The following ZFYVE28 variants were observed in gnomAD, a reference collection of about 807,000 sequenced individuals.
ZFYVE28 encodes the protein zinc finger FYVE-type containing 28.
Under a neutral mutation model 82.1 loss-of-function variants are expected in ZFYVE28, and 40 were observed. The observed-to-expected ratio is 0.49, with a 90% CI of 0.38 to 0.63. The LOEUF (loss-of-function observed/expected upper bound fraction) is 0.63. Among genes scored for constraint, ZFYVE28 ranks in the 30% least tolerant of loss-of-function variants. The pLI is 0.00. For synonymous variants in ZFYVE28, 612 were observed against 546.1 expected (o/e 1.12, Z -1.68); for missense variants, 1,321 against 1,242.1 (o/e 1.06, Z -0.96).
At chr4:2,359,140 A>G (rs1292255949) in intron 1 of ZFYVE28, among the ~76,000 whole-genome samples, 1 of 150,634 alleles carries the variant, frequency 6.6e-6, no homozygotes, top group Non-Finnish European at 1.5e-5. Context: ...AGGCCCGGCT[A>G]ATTTTTTTTT....
intron 7 of ZFYVE28, among the ~76,000 whole-genome samples, chr4:2,308,687 GA>G (rs747370712): frequency 3.5e-3 from 430 of 124,046 alleles, no homozygotes; most frequent in African/African-American, 0.013. Flanking sequence ...GAGAAAGAAA[GA>G]AAAGAAAAGA....
intron 1 of ZFYVE28, among the ~76,000 whole-genome samples, chr4:2,405,220 A>G (rs1731736474): frequency 6.6e-6 from 1 of 152,240 alleles, no homozygotes; most frequent in Middle Eastern, 3.4e-3. Context: ...GAGAGAAGCC[A>G]TGTGTCTTCC....
intron 8 of ZFYVE28, among the ~76,000 whole-genome samples, chr4:2,295,222 C>T (rs776198513): frequency 1.7e-4 from 26 of 152,226 alleles, no homozygotes; most frequent in East Asian, 9.7e-4. Context: ...AGTGCAGTGA[C>T]GCAATCTTGG....
intron 8 of ZFYVE28, among the ~76,000 whole-genome samples, chr4:2,288,405 G>T (rs1457558654): frequency 2.6e-5 from 4 of 152,258 alleles, no homozygotes; most frequent in African/African-American, 9.6e-5. Context: ...GCTACACAGT[G>T]GGGGAGCATC....
At chr4:2,385,472 T>C (rs1386782812) in intron 1 of ZFYVE28, among the ~76,000 whole-genome samples, 1 of 152,216 alleles carries the variant, frequency 6.6e-6, no homozygotes, top group African/African-American at 2.4e-5. Context: ...AAGTTGGGAT[T>C]TGAGACTAGG....
intron 2 of ZFYVE28, among the ~76,000 whole-genome samples, chr4:2,344,989 A>T (rs1158832366): frequency 6.6e-6 from 1 of 152,108 alleles, no homozygotes; most frequent in Non-Finnish European, 1.5e-5. Context: ...AGGTGGGTAG[A>T]TCACGAGGTC....
chr4:2,310,035 C>T (rs553225323), intron 7 of ZFYVE28, among the ~76,000 whole-genome samples: 2 of 151,980 alleles, frequency 1.3e-5, no homozygotes, highest in East Asian at 3.9e-4. Flanking sequence ...ATCTGGAATA[C>T]ATTTCTTTTT....
intron 1 of ZFYVE28, among the ~76,000 whole-genome samples, chr4:2,361,445 C>T (rs566671217): frequency 2.6e-5 from 4 of 152,266 alleles, no homozygotes; most frequent in South Asian, 2.1e-4. Context: ...GAGCTCAGCC[C>T]GTCTGACCCA....
chr4:2,272,770 A>C (rs1249692818), intron 10 of ZFYVE28, among the ~76,000 whole-genome samples: 2 of 152,076 alleles, frequency 1.3e-5, no homozygotes, highest in Non-Finnish European at 2.9e-5. Flanking sequence ...ACCACGGCCG[A>C]GTCTCATCCT....
chr4:2,418,250 C>T lies in ZFYVE28; in HGVS notation c.39+35G>A. Reference sequence around the variant, plus strand: ...GTCCTGGGGAAGGGAGAGGCCGCGACGCGGGGGGCGTCCGGCCCGAGCGGG... The same window carrying T: ...GTCCTGGGGAAGGGAGAGGCCGCGATGCGGGGGGCGTCCGGCCCGAGCGGG... On this transcript the variant is annotated intron_variant, in intron 1 of 12. Transcript: ENST00000290974. The surrounding 1 kb of genome is among the most constrained non-coding windows in gnomAD (Gnocchi z 4.6). 5.2e-6 allele frequency: 8 copies of T among 1,528,304 alleles called. No homozygotes were observed. Among genetic ancestry groups the T allele is most frequent in the Admixed American group, 2.0e-5 (1 of 48,804 alleles). 94.7% of individuals were successfully genotyped at this position (1,528,304 alleles called of 1,614,324 possible). A position where few individuals can be genotyped will look rare whatever the true frequency, so the allele number is the denominator to read the frequency against.
At chr4:2,359,126 C>G (rs942792562) in intron 1 of ZFYVE28, among the ~76,000 whole-genome samples, 5 of 151,916 alleles carry the variant, frequency 3.3e-5, no homozygotes, top group African/African-American at 1.2e-4. Context: ...AGGCGCCCAC[C>G]ACCAGGCCCG....
chr4:2,360,777 C>G (rs1162354251), intron 1 of ZFYVE28, among the ~76,000 whole-genome samples: 1 of 152,180 alleles, frequency 6.6e-6, no homozygotes, highest in East Asian at 1.9e-4. Context: ...ATAATCTCAA[C>G]CTACTCATCA....
chr4:2,354,752 C>T (rs1338077784), intron 1 of ZFYVE28, among the ~76,000 whole-genome samples: 1 of 152,024 alleles, frequency 6.6e-6, no homozygotes, highest in African/African-American at 2.4e-5. Flanking sequence ...AGCCACTGTG[C>T]CCGGCCAGGA....
Position 2,304,826 on chromosome 4 carries a change from G to A in ZFYVE28, c.1514C>T (p.Ala505Val), listed in dbSNP as rs1716282608. The change falls in exon 8 of 13, where the codon GCC becomes GTC. Residue 505 changes from alanine to valine, a missense_variant. By Grantham distance (64) the Ala-to-Val change is moderately conservative. Transcript: ENST00000290974. ...ADDAETAEMI[A>V]HRTGGMKLSA... is the part of the protein sequence containing the mutation. Reference sequence around the variant, plus strand: ...GAGCTTCATGCCCCCTGTCCGGTGGGCGATCATCTCAGCCGTCTCTGCGTC... The same window carrying A: ...GAGCTTCATGCCCCCTGTCCGGTGGACGATCATCTCAGCCGTCTCTGCGTC... The A allele has an allele frequency of 1.2e-6, 2 of 1,612,652 alleles. No individual in the cohort carries two copies. Among genetic ancestry groups the A allele is most frequent in the Non-Finnish European group, 8.5e-7 (1 of 1,179,934 alleles).
chr4:2,311,480 C>T (rs550301967), intron 7 of ZFYVE28, among the ~76,000 whole-genome samples: 11 of 152,208 alleles, frequency 7.2e-5, no homozygotes, highest in East Asian at 1.9e-4. Context: ...GAGCCGAGAT[C>T]GCACCACTGT....
At chr4:2,307,638 G>A (rs11248096) in intron 7 of ZFYVE28, among the ~76,000 whole-genome samples, 70,117 of 151,948 alleles carry the variant, frequency 0.46, 16,935 homozygotes, top group Middle Eastern at 0.55. Context: ...GCAGACCACC[G>A]TATCTGGCTA....
chr4:2,381,733 C>A (rs1728754445), intron 1 of ZFYVE28, among the ~76,000 whole-genome samples: 1 of 152,170 alleles, frequency 6.6e-6, no homozygotes, highest in African/African-American at 2.4e-5. Context: ...AGAGAAAAAC[C>A]CATTTTCTGA....
intron 8 of ZFYVE28, chr4:2,287,180 G>A (rs1212117694): frequency 6.6e-6 from 1 of 152,234 alleles, no homozygotes; most frequent in East Asian, 1.9e-4. Context: ...AAATCCCCAC[G>A]GTTTTAAGCC....
At chr4:2,322,190 C>T (rs1578081689) in intron 6 of ZFYVE28, among the ~76,000 whole-genome samples, 1 of 152,184 alleles carries the variant, frequency 6.6e-6, no homozygotes, top group African/African-American at 2.4e-5. Context: ...GCTGAAGTAA[C>T]GGGGTGTGGG....
Sources: allele counts gnomAD v4.1 joint callset (sites outside exome capture counted in the v4.1 genomes callset), GRCh38; gene constraint gnomAD v4.1.1; non-coding constraint Gnocchi (gnomAD v3.1); transcripts MANE v1.5; gene names NCBI Gene and HGNC (gene_info 2026-07-23, HGNC 2026-07-21).